Variants in TRAPPC9 observed in about 807,000 individuals in gnomAD.
TRAPPC9 encodes trafficking protein particle complex subunit 9, also known as IKK2 binding protein.
TRAPPC9 carries 83 observed loss-of-function variants against 124.0 expected under a neutral mutation model. The ratio of observed to expected loss-of-function variants is 0.67; its 90% CI spans 0.56 to 0.80. The LOEUF is 0.80. Among genes scored for constraint, TRAPPC9 ranks in the 30% least tolerant of loss-of-function variants. The probability of loss-of-function intolerance (pLI) is 0.00; values close to 1 mark genes in which losing one functional copy is unlikely to be tolerated. For synonymous variants in TRAPPC9, 638 were observed against 617.5 expected (o/e 1.03, Z -0.49); for missense variants, 1,302 against 1,508.3 (o/e 0.86, Z 2.27).
intron 19 of TRAPPC9, among the ~76,000 whole-genome samples, chr8:139,988,270 G>T (rs1362915177): frequency 6.6e-6 from 1 of 151,792 alleles, no homozygotes; most frequent in Non-Finnish European, 1.5e-5. Flanking sequence ...GCACCACCAT[G>T]CCCGGGTAGT....
rs183684651 is a variant in TRAPPC9, at chr8:140,043,890, C to A, written c.2557-19811G>T. Reference sequence around the variant, plus strand: ...CTCTCCCCTCCAGTGGCCCTCCCAGCCTGCCCCATGGGTGTGGCCTGCCCA... The same window carrying A: ...CTCTCCCCTCCAGTGGCCCTCCCAGACTGCCCCATGGGTGTGGCCTGCCCA... On this transcript the variant is annotated intron_variant, in intron 17 of 22. Coordinates refer to ENST00000438773, the MANE Select transcript of TRAPPC9 (RefSeq NM_001160372.4). Among the ~76,000 whole-genome samples, 386 of 152,294 alleles carry A rather than the reference C, an allele frequency of 2.5e-3. 1 individual carries two copies. Among genetic ancestry groups the A allele is most frequent in the Admixed American group, 4.0e-3 (61 of 15,302 alleles).
intron 17 of TRAPPC9, among the ~76,000 whole-genome samples, chr8:140,200,315 C>A (rs1369643870): frequency 6.6e-6 from 1 of 152,104 alleles, no homozygotes; most frequent in East Asian, 1.9e-4. Flanking sequence ...TAAAGAATTC[C>A]AAATAATGTC....
At chr8:139,812,173 C>T (rs1405821370) in intron 21 of TRAPPC9, among the ~76,000 whole-genome samples, 3 of 152,000 alleles carry the variant, frequency 2.0e-5, no homozygotes, top group South Asian at 2.1e-4. Flanking sequence ...GAAAAATTAG[C>T]GTCACAGAAA....
rs753309473 is a variant in TRAPPC9 at position 140,450,863 on chromosome 8, A to T, written c.511T>A (p.Ser171Thr). The change falls in exon 2 of 23, where the codon TCT (serine) becomes ACT (threonine). Residue 171 changes from serine (S) to threonine (T), a missense_variant. Around this residue, in one of 3 missense-constraint regions of TRAPPC9, gnomAD observed 657 missense variants for 811.2 expected, o/e 0.81. Coordinates refer to ENST00000438773, the MANE Select transcript of TRAPPC9 (RefSeq NM_001160372.4). ...CAGAGAAGGGGGATCTTATCCCCAG[A>T]CTTGTCTGTGGCTCTGTCCAGACGC... ...SKRLDRATDK[S>T]GDKIPLLCVP... The T allele has an allele frequency of 2.5e-6, 4 of 1,613,840 alleles. No homozygotes were observed. Among genetic ancestry groups the T allele is most frequent in the Non-Finnish European group, 3.4e-6 (4 of 1,179,980 alleles).
intron 9 of TRAPPC9, among the ~76,000 whole-genome samples, chr8:140,351,892 A>G (rs1327649091): frequency 6.6e-6 from 1 of 152,186 alleles, no homozygotes; most frequent in African/African-American, 2.4e-5. Flanking sequence ...TATAATTCAC[A>G]TAGCAGTTGG....
chr8:139,963,213 A>G (rs1835457854), intron 19 of TRAPPC9, among the ~76,000 whole-genome samples: 1 of 152,006 alleles, frequency 6.6e-6, no homozygotes, highest in African/African-American at 2.4e-5. Context: ...TAATACTGCT[A>G]TTTTTTCCCA....
chr8:140,228,647 A>G (rs867123812), intron 16 of TRAPPC9, among the ~76,000 whole-genome samples: 1 of 152,146 alleles, frequency 6.6e-6, no homozygotes, highest in Non-Finnish European at 1.5e-5. Context: ...CTGACATCAG[A>G]AGCCTCCATG....
chr8:139,942,917 C>T (rs1007014350), intron 19 of TRAPPC9, among the ~76,000 whole-genome samples: 6 of 152,038 alleles, frequency 3.9e-5, no homozygotes, highest in East Asian at 1.9e-4. Context: ...AGGAGAGGGC[C>T]GAGAGCAGGA....
rs921758726 is a variant in TRAPPC9 at position 139,742,436 on chromosome 8, G to A, written c.3056-10234C>T. ...CAAGCCCTTGACCTCCATATTTCAG[G>A]AGTTTCTCACATTTTGGAGCCTGGG... On this transcript the variant is annotated intron_variant, in intron 21 of 22. Coordinates refer to ENST00000438773, the MANE Select transcript of TRAPPC9 (RefSeq NM_001160372.4). The surrounding 1 kb of genome is among the most constrained non-coding windows in gnomAD (Gnocchi z 4.7). 6.6e-6 allele frequency among the ~76,000 whole-genome samples: 1 copy of A among 152,202 alleles called. No homozygotes were observed. Among genetic ancestry groups the A allele is most frequent in the Non-Finnish European group, 1.5e-5 (1 of 68,046 alleles).
At chr8:140,084,707 T>C (rs1399333512) in intron 17 of TRAPPC9, among the ~76,000 whole-genome samples, 4 of 152,246 alleles carry the variant, frequency 2.6e-5, no homozygotes, top group African/African-American at 7.2e-5. Context: ...AGATCTGGCA[T>C]GGTCCTTGGC....
At chr8:139,770,222 C>T (rs1248624907) in intron 21 of TRAPPC9, among the ~76,000 whole-genome samples, 2 of 152,260 alleles carry the variant, frequency 1.3e-5, no homozygotes, top group Non-Finnish European at 2.9e-5. Flanking sequence ...GCAGTGGTGA[C>T]AATGGAGCCC....
At chr8:140,121,994 T>G (rs2060995349) in intron 17 of TRAPPC9, among the ~76,000 whole-genome samples, 1 of 151,946 alleles carries the variant, frequency 6.6e-6, no homozygotes, top group Non-Finnish European at 1.5e-5. Context: ...AGGCTCATGT[T>G]GCTGGAGTCC....
Position 140,125,587 on chromosome 8 carries a change from C to CTTTTTTTT in TRAPPC9, c.2556+95864_2556+95871dup, listed in dbSNP as rs11292333. ...GCATGTTCATTTATCGAATCTCATT[C>CTTTTTTTT]TTTTTTTTTTTTTTTTTTTTTTTTT... On this transcript the variant is annotated intron_variant, in intron 17 of 22. Transcript: ENST00000438773. 4.1e-3 allele frequency among the ~76,000 whole-genome samples: 275 copies of CTTTTTTTT among 67,828 alleles called. 12 individuals carry two copies. Among genetic ancestry groups the CTTTTTTTT allele is most frequent in the African/African-American group, 5.2e-3 (84 of 16,282 alleles). 44.5% of individuals were successfully genotyped at this position (67,828 alleles called of 152,430 possible).
At chr8:140,174,364 T>G (rs1008477193) in intron 17 of TRAPPC9, among the ~76,000 whole-genome samples, 10 of 148,482 alleles carry the variant, frequency 6.7e-5, no homozygotes, top group African/African-American at 2.5e-4. Context: ...ATCCTGCACA[T>G]GTACCCCCAA....
At chr8:139,947,372 T>C (rs939315147) in intron 19 of TRAPPC9, among the ~76,000 whole-genome samples, 1 of 152,114 alleles carries the variant, frequency 6.6e-6, no homozygotes, top group Non-Finnish European at 1.5e-5. Flanking sequence ...GGAAAAGCAA[T>C]GCTGTATTAC....
At chr8:140,437,235 G>A (rs2070845750) in intron 3 of TRAPPC9, among the ~76,000 whole-genome samples, 2 of 151,978 alleles carry the variant, frequency 1.3e-5, no homozygotes, top group Admixed American at 6.6e-5. Flanking sequence ...ATTTTGTTTT[G>A]TAGAAGTGAG....
At chr8:140,128,944 A>G (rs2061147747) in intron 17 of TRAPPC9, among the ~76,000 whole-genome samples, 1 of 150,728 alleles carries the variant, frequency 6.6e-6, no homozygotes. Flanking sequence ...CGTTGTGCAC[A>G]TGTACCCGAG....
At chr8:140,320,157 T>G (rs989734044) in intron 9 of TRAPPC9, among the ~76,000 whole-genome samples, 1 of 152,234 alleles carries the variant, frequency 6.6e-6, no homozygotes, top group African/African-American at 2.4e-5. Context: ...GTACTTTCAC[T>G]TATAGAAATA....
At chr8:140,333,700 A>AT (rs1384154086) in intron 9 of TRAPPC9, among the ~76,000 whole-genome samples, 1 of 152,236 alleles carries the variant, frequency 6.6e-6, no homozygotes. Flanking sequence ...CATAAAAACT[A>AT]TATTTTAAAT....
Sources: allele counts gnomAD v4.1 joint callset (sites outside exome capture counted in the v4.1 genomes callset), GRCh38; gene constraint gnomAD v4.1.1; regional missense constraint gnomAD v4.1.1; non-coding constraint Gnocchi (gnomAD v3.1); transcripts MANE v1.5; gene names NCBI Gene and HGNC (gene_info 2026-07-23, HGNC 2026-07-21).